Variants in ADAM2 observed in about 807,000 individuals in gnomAD.
The protein encoded by ADAM2 is disintegrin and metalloproteinase domain-containing protein 2.
In ADAM2, 101 loss-of-function variants were observed where a neutral mutation model predicts 99.3. The ratio of observed to expected loss-of-function variants is 1.02; its 90% CI spans 0.87 to 1.20. ADAM2 has a LOEUF of 1.20. Among genes scored for constraint, ADAM2 ranks in the 50% most tolerant of loss-of-function variants. The pLI is 0.00. For missense variants in ADAM2, 948 were observed against 878.7 expected (o/e 1.08, Z -1.00); for synonymous variants, 323 against 287.6 (o/e 1.12, Z -1.25).
chr8:39,831,623 A>G (rs1322226693), intron 3 of ADAM2, among the ~76,000 whole-genome samples: 1 of 152,204 alleles, frequency 6.6e-6, no homozygotes, highest in African/African-American at 2.4e-5. Context: ...TAAAAGATTT[A>G]CAAAGCACAA....
intron 14 of ADAM2, among the ~76,000 whole-genome samples, chr8:39,761,571 C>A (rs1802371998): frequency 6.6e-6 from 1 of 152,260 alleles, no homozygotes; most frequent in Admixed American, 6.5e-5. Context: ...AAATGCATAT[C>A]TATTAGTACG....
intron 3 of ADAM2, among the ~76,000 whole-genome samples, chr8:39,830,951 CAG>C (rs1042921292): frequency 1.1e-4 from 16 of 152,206 alleles, no homozygotes; most frequent in Middle Eastern, 3.4e-3. Flanking sequence ...AAAGAGATCT[CAG>C]AGAGTTGACC....
chr8:39,792,551 G>A (rs376840061), intron 7 of ADAM2, among the ~76,000 whole-genome samples: 4 of 151,930 alleles, frequency 2.6e-5, no homozygotes, highest in African/African-American at 9.7e-5. Flanking sequence ...ACAAAATAAA[G>A]GTTGATAAAT....
At chr8:39,818,170 A>G (rs1478604042) in intron 6 of ADAM2, 5 of 152,070 alleles carry the variant, frequency 3.3e-5, no homozygotes, top group Non-Finnish European at 4.4e-5. Flanking sequence ...TAAATGAAAA[A>G]AATCTTCAAA....
At chr8:39,766,629 A>G (rs1802575855) in intron 14 of ADAM2, among the ~76,000 whole-genome samples, 1 of 152,118 alleles carries the variant, frequency 6.6e-6, no homozygotes, top group African/African-American at 2.4e-5. Flanking sequence ...GCTGGTCTCA[A>G]ACACCTGATC....
chr8:39,744,768 T>TC, intron 20 of ADAM2, 62 bp downstream of exon 20: 1 of 1,123,768 alleles, frequency 8.9e-7, no homozygotes, highest in South Asian at 1.5e-5. Context: ...AACCTGCACA[T>TC]TCTGCACCTG....
Position 39,824,909 on chromosome 8 carries a change from A to G in ADAM2, c.189-12T>C. Reference sequence around the variant, plus strand: ...GGGGTAAAAAGTTTCTGTAACATAAAGATAAAATGGAAAAATTTGATTCTT... The same window carrying G: ...GGGGTAAAAAGTTTCTGTAACATAAGGATAAAATGGAAAAATTTGATTCTT... On this transcript the variant is annotated splice_polypyrimidine_tract_variant and intron_variant, in intron 3 of 20. Coordinates refer to ENST00000265708, the MANE Select transcript of ADAM2 (RefSeq NM_001464.5). 1 of 1,216,378 alleles carries G rather than the reference A, an allele frequency of 8.2e-7. No individual in the cohort carries two copies. Among genetic ancestry groups the G allele is most frequent in the African/African-American group, 1.5e-5 (1 of 65,896 alleles). The allele number at this position is 1,216,378 out of a possible 1,614,324, so 75.3% of individuals were successfully genotyped here. A position where few individuals can be genotyped will look rare whatever the true frequency, so the allele number is the denominator to read the frequency against.
chr8:39,793,686 C>A (rs975587884), intron 7 of ADAM2, among the ~76,000 whole-genome samples: 1 of 152,066 alleles, frequency 6.6e-6, no homozygotes, highest in East Asian at 1.9e-4. Context: ...GTATGGCAGC[C>A]TCATGTGCTG....
At chr8:39,758,037 A>C (rs1209323720) in intron 15 of ADAM2, among the ~76,000 whole-genome samples, 1 of 152,172 alleles carries the variant, frequency 6.6e-6, no homozygotes, top group Non-Finnish European at 1.5e-5. Flanking sequence ...ATTTCTGTGC[A>C]TTTGGAACTT....
chr8:39,802,391 A>G (rs1235907106), intron 7 of ADAM2, among the ~76,000 whole-genome samples: 2 of 152,070 alleles, frequency 1.3e-5, no homozygotes, highest in Non-Finnish European at 2.9e-5. Flanking sequence ...TTTCAATGGG[A>G]GACTCCGAAT....
intron 18 of ADAM2, among the ~76,000 whole-genome samples, chr8:39,748,336 T>C (rs1322903001): frequency 1.3e-5 from 2 of 152,136 alleles, no homozygotes; most frequent in African/African-American, 2.4e-5. Flanking sequence ...GGAAATGGCA[T>C]GTGTGTGCAT....
At chr8:39,745,908 T>C (rs182760051) in intron 19 of ADAM2, among the ~76,000 whole-genome samples, 1 of 152,250 alleles carries the variant, frequency 6.6e-6, no homozygotes, top group Admixed American at 6.5e-5. Flanking sequence ...AGCTAAACTT[T>C]AGCTAATCTT....
At chr8:39,781,227 T>C (rs1481848845) in intron 10 of ADAM2, among the ~76,000 whole-genome samples, 6 of 152,166 alleles carry the variant, frequency 3.9e-5, no homozygotes, top group African/African-American at 1.2e-4. Flanking sequence ...TGTATACTTA[T>C]GTGAAAACAC....
intron 19 of ADAM2, 140 bp from the exon 20 acceptor site, chr8:39,745,033 C>T: frequency 1.7e-6 from 1 of 605,526 alleles, no homozygotes; most frequent in East Asian, 2.8e-5. Context: ...TACCCTATCA[C>T]TGAGAACATC....
chr8:39,793,152 A>G (rs995790361), intron 7 of ADAM2, among the ~76,000 whole-genome samples: 10 of 152,092 alleles, frequency 6.6e-5, no homozygotes, highest in African/African-American at 2.4e-4. Context: ...TTTCACGATC[A>G]TGTTGTCTTA....
intron 10 of ADAM2, among the ~76,000 whole-genome samples, chr8:39,781,179 A>T (rs1355059739): frequency 2.0e-5 from 3 of 152,070 alleles, no homozygotes; most frequent in African/African-American, 7.2e-5. Context: ...ATGTGTAGTT[A>T]TGTACCCATA....
chr8:39,790,289 C>T (rs1803651890), intron 7 of ADAM2, among the ~76,000 whole-genome samples: 1 of 151,852 alleles, frequency 6.6e-6, no homozygotes, highest in Non-Finnish European at 1.5e-5. Context: ...AGTGAAATGT[C>T]CATCAACTAA....
Position 39,769,401 on chromosome 8 carries a change from C to G in ADAM2, c.1203G>C (p.Gly401=). 1.9e-6 allele frequency: 3 copies of G among 1,613,458 alleles called. No homozygotes were observed. The highest frequency in any genetic ancestry group is 2.5e-6 in the Non-Finnish European group (3 of 1,179,560). ...KLEAGEECDC[G]TEQDCALIGE... ...CCGAATTAGTACCAACCTGTTCAGT[C>G]CCACAGTCACACTCCTCTCCTGCTT... The change falls in exon 12 of 21, where the codon GGG becomes GGC. Residue 401 remains glycine, a synonymous_variant. Transcript: ENST00000265708.
intron 10 of ADAM2, among the ~76,000 whole-genome samples, chr8:39,784,284 A>G (rs1378885333): frequency 6.6e-6 from 1 of 152,218 alleles, no homozygotes; most frequent in African/African-American, 2.4e-5. Context: ...AATTGTCGTT[A>G]CTAAAGAGAC....
Sources: gnomAD v4.1 joint callset for allele counts (sites outside exome capture counted in the v4.1 genomes callset) on GRCh38, gnomAD v4.1.1 for gene constraint, MANE v1.5 for transcripts, NCBI Gene and HGNC (gene_info 2026-07-23, HGNC 2026-07-21) for gene names.